The following NBPF19 variants were observed in gnomAD, a reference collection of about 807,000 sequenced individuals.
NBPF19 encodes NBPF family member NBPF19.
NBPF19 carries 30 observed loss-of-function variants against 45.9 expected under a neutral mutation model. The observed-to-expected ratio is 0.65, with a 90% CI of 0.49 to 0.89. The LOEUF (loss-of-function observed/expected upper bound fraction) is 0.89. NBPF19 is among the 40% of genes least tolerant of loss of function. The pLI, the probability that NBPF19 is intolerant of heterozygous loss-of-function variation, is 0.00. For synonymous variants in NBPF19, 183 were observed against 181.2 expected, an observed-to-expected ratio of 1.01 and a Z score of -0.08; for missense variants, 495 against 471.8, an observed-to-expected ratio of 1.05 and a Z score of -0.46.
rs1317414117 is a variant in NBPF19 at position 149,538,436 on chromosome 1, T to A, written c.8811-240T>A. On this transcript the variant is annotated intron_variant, in intron 73 of 93. Transcript: ENST00000651566. ...ACTGAGCTCGTTCTCTCTCTCTCTC[T>A]GTGTGTGTGTGTGTGTGTGTGTGTG... Among the ~76,000 whole-genome samples, 3 of 31,398 alleles carry A rather than the reference T, an allele frequency of 9.6e-5. 1 individual carries two copies. The East Asian group carries it at 2.4e-3, about 25-fold the overall frequency. 20.6% of individuals were successfully genotyped at this position (31,398 alleles called of 152,430 possible).
intron 7 of NBPF19, among the ~76,000 whole-genome samples, chr1:149,482,865 TGA>T (rs2085281984): frequency 6.9e-6 from 1 of 145,456 alleles, no homozygotes; most frequent in Admixed American, 6.9e-5. Context: ...TTCTTAATCC[TGA>T]GTTCTAATTT....
chr1:149,488,312 G>C (rs1319919681), intron 10 of NBPF19, 127 bp downstream of exon 10: 4 of 598,744 alleles, frequency 6.7e-6, no homozygotes, highest in Non-Finnish European at 1.2e-5. Flanking sequence ...ATAGGCACAT[G>C]TAGGTTGAAT....
Position 149,483,492 on chromosome 1 carries a change from A to G in NBPF19, c.824+1266A>G, listed in dbSNP as rs1445603311. On this transcript the variant is annotated intron_variant, in intron 7 of 93. Coordinates refer to ENST00000651566, the MANE Select transcript of NBPF19 (RefSeq NM_001351365.2). Reference sequence around the variant, plus strand: ...GTCTTGACTCTTTATCCAATTTGCCATTCTGTGTTTTTTAACTGGGGCATT... The same window carrying G: ...GTCTTGACTCTTTATCCAATTTGCCGTTCTGTGTTTTTTAACTGGGGCATT... Among the ~76,000 whole-genome samples the G allele has an allele frequency of 2.4e-3, 314 of 128,298 alleles. 3 individuals carry two copies. The highest frequency in any genetic ancestry group is 9.1e-3 in the African/African-American group (307 of 33,890). 84.2% of individuals were successfully genotyped at this position (128,298 alleles called of 152,430 possible).
In NBPF19 at chr1:149,487,516, T is replaced by A. The variant is rs1313819125; in HGVS notation, c.1040+133T>A. The A allele has an allele frequency of 3.3e-5, 33 of 999,340 alleles. 1 individual carries two copies. The Admixed American group carries it at 3.6e-4, about 11-fold the overall frequency. 61.9% of individuals were successfully genotyped at this position (999,340 alleles called of 1,614,324 possible). A position where few individuals can be genotyped will look rare whatever the true frequency, so the allele number is the denominator to read the frequency against. On this transcript the variant is annotated intron_variant, in intron 9 of 93. Transcript: ENST00000651566. ...GTCTGAATTATGCCTAATACATTGCTTTTTTGTTCTCATTAGAGTAAATGT... is the reference window on the plus strand; with the variant it reads ...GTCTGAATTATGCCTAATACATTGCATTTTTGTTCTCATTAGAGTAAATGT...
chr1:149,487,802 T>G (rs1231392645), intron 9 of NBPF19, among the ~76,000 whole-genome samples: 18 of 149,322 alleles, frequency 1.2e-4, no homozygotes, highest in African/African-American at 4.4e-4. Context: ...TGTGTGTGTG[T>G]GTGTGTGTGT....
At chr1:149,487,050 A>G (rs1426847035) in intron 8 of NBPF19, among the ~76,000 whole-genome samples, 2 of 150,738 alleles carry the variant, frequency 1.3e-5, no homozygotes, top group African/African-American at 4.9e-5. Flanking sequence ...CTATTTGCCT[A>G]CAATTTATTG....
At chr1:149,554,426 GAA>G (rs1312863020) in intron 93 of NBPF19, 67 bp from the exon 94 acceptor site, 2 of 1,606,948 alleles carry the variant, frequency 1.2e-6, no homozygotes, top group African/African-American at 2.7e-5. Context: ...TGTGACTTCT[GAA>G]ATCTAGTGGG....
chr1:149,509,932 CTGTG>C (rs1196755542), intron 37 of NBPF19, among the ~76,000 whole-genome samples: 1 of 5,464 alleles, frequency 1.8e-4, no homozygotes, highest in African/African-American at 2.2e-3. Flanking sequence ...CTCTCTCTCT[CTGTG>C]TGTGTGTGTG....
chr1:149,487,973 T>A (rs1172587038), intron 9 of NBPF19, 40 bp from the exon 10 acceptor site: 1 of 693,888 alleles, frequency 1.4e-6, no homozygotes, highest in Non-Finnish European at 2.7e-6. Flanking sequence ...TGGTTTCTGA[T>A]TCCCCCTGGC....
At chr1:149,477,640 A>T (rs1372560054) in intron 2 of NBPF19, among the ~76,000 whole-genome samples, 1 of 151,340 alleles carries the variant, frequency 6.6e-6, no homozygotes, top group African/African-American at 2.4e-5. Flanking sequence ...GACTTGGGAA[A>T]GTGGCCCCGC....
chr1:149,487,546 G>A (rs1275911000), intron 9 of NBPF19, among the ~76,000 whole-genome samples, 163 bp downstream of exon 9: 2 of 151,004 alleles, frequency 1.3e-5, no homozygotes, highest in East Asian at 1.9e-4. Context: ...AAATGTTTAG[G>A]TTTCCATTTC....
Position 149,554,533 on chromosome 1 carries a change from T to C in NBPF19, c.11327T>C (p.Val3776Ala). 1 of 1,608,260 alleles carries C rather than the reference T, an allele frequency of 6.2e-7. No homozygotes were observed. Among genetic ancestry groups the C allele is most frequent in the East Asian group, 2.2e-5 (1 of 44,852 alleles). The part of the protein sequence containing the change: ...SVLMEVEEPE[V>A]LQDSLDGCYS... ...CTGATGGAAGTGGAAGAGCCTGAAG[T>C]CTTACAGGACTCACTGGATGGATGT... The change falls in exon 94 of 94, where the codon GTC (valine) becomes GCC (alanine). Residue 3776 changes from valine to alanine, a missense_variant. By Grantham distance (64) the Val-to-Ala change is moderately conservative (BLOSUM62 0). This residue lies in a region of NBPF19 where 248 missense variants were observed against 95.4 expected (regional missense o/e 2.60). Coordinates refer to ENST00000651566, the MANE Select transcript of NBPF19 (RefSeq NM_001351365.2).
chr1:149,488,362 T>G lies in NBPF19; in HGVS notation c.1213+177T>G, dbSNP rs1306429605. ...ACTTGGCAGCCCAGACAAGGGATGG[T>G]TCAGTGAGCAAGGCTCTCTTCCTAG... On this transcript the variant is annotated intron_variant, in intron 10 of 93. Coordinates refer to ENST00000651566, the MANE Select transcript of NBPF19 (RefSeq NM_001351365.2). 6.3e-3 allele frequency among the ~76,000 whole-genome samples: 862 copies of G among 137,660 alleles called. 45 individuals carry two copies. The highest frequency in any genetic ancestry group is 0.031 in the South Asian group (117 of 3,770). The allele number at this position is 137,660 out of a possible 152,430, so 90.3% of individuals were successfully genotyped here.
At chr1:149,479,847 G>A (rs1178891336) in intron 4 of NBPF19, among the ~76,000 whole-genome samples, 2 of 150,786 alleles carry the variant, frequency 1.3e-5, no homozygotes, top group East Asian at 2.0e-4. Flanking sequence ...CTGGCAGGAT[G>A]GGGGAGACAG....
At chr1:149,477,051 A>G (rs1473380026) in intron 2 of NBPF19, among the ~76,000 whole-genome samples, 3 of 150,540 alleles carry the variant, frequency 2.0e-5, no homozygotes, top group South Asian at 2.1e-4. Flanking sequence ...AAGAGGAAAG[A>G]TCACACCGGA....
At chr1:149,495,680 C>CGT (rs1220744895) in intron 19 of NBPF19, among the ~76,000 whole-genome samples, 148 of 34,832 alleles carry the variant, frequency 4.2e-3, no homozygotes, top group Admixed American at 0.012. Context: ...TGTGTGTGTG[C>CGT]GTGTGTGTGT....
At chr1:149,521,045 T>G (rs1402940684) in intron 51 of NBPF19, among the ~76,000 whole-genome samples, 1 of 64,968 alleles carries the variant, frequency 1.5e-5, no homozygotes, top group Non-Finnish European at 3.4e-5. Context: ...GTATGTCACC[T>G]GGCCAATTCA....
intron 2 of NBPF19, among the ~76,000 whole-genome samples, chr1:149,477,469 T>C (rs2084911867): frequency 6.6e-6 from 1 of 151,518 alleles, no homozygotes; most frequent in African/African-American, 2.4e-5. Flanking sequence ...TATCTGAATA[T>C]TGATTTAAAA....
At chr1:149,477,192 T>C (rs2084890595) in intron 2 of NBPF19, among the ~76,000 whole-genome samples, 2 of 150,258 alleles carry the variant, frequency 1.3e-5, no homozygotes, top group Non-Finnish European at 1.5e-5. Context: ...CAATAATACC[T>C]ACCTCTGTAA....
Sources: allele counts gnomAD v4.1 joint callset (sites outside exome capture counted in the v4.1 genomes callset), GRCh38; gene constraint gnomAD v4.1.1; regional missense constraint gnomAD v4.1.1; transcripts MANE v1.5; gene names NCBI Gene and HGNC (gene_info 2026-07-23, HGNC 2026-07-21).